The following TRIM66 variants were observed in gnomAD, a reference collection of about 807,000 sequenced individuals.
TRIM66 encodes tripartite motif containing 66.
Under a neutral mutation model 148.2 loss-of-function variants are expected in TRIM66, and 99 were observed. That is an observed-to-expected ratio of 0.67 (90% confidence interval 0.57 to 0.79). The LOEUF (loss-of-function observed/expected upper bound fraction) is 0.79. Among genes scored for constraint, TRIM66 ranks in the 30% least tolerant of loss-of-function variants. The pLI is 0.00. For missense variants in TRIM66, 1,666 were observed against 1,697.9 expected, an observed-to-expected ratio of 0.98 and a Z score of 0.33; for synonymous variants, 616 against 635.9, an observed-to-expected ratio of 0.97 and a Z score of 0.47.
Position 8,614,362 on chromosome 11 carries a change from T to A in TRIM66, c.*3582A>T, listed in dbSNP as rs2033592318. On this transcript the variant is annotated 3_prime_UTR_variant, in exon 25 of 25. Coordinates refer to ENST00000646038, the MANE Select transcript of TRIM66 (RefSeq NM_001388022.1). ...TCTCAAAAAATAAAAAATAAATAAA[T>A]AAATAAATAAATAAAGTTGAAGGGC... The A allele has an allele frequency of 1.3e-5, 2 of 151,650 alleles. No individual in the cohort carries two copies. The highest frequency in any genetic ancestry group is 4.9e-5 in the African/African-American group (2 of 41,222). 9.4% of individuals were successfully genotyped at this position (151,650 alleles called of 1,614,324 possible).
At position 8,612,703 on chromosome 11, in the gene TRIM66, C is replaced by A. The variant is rs556629411; in HGVS notation, c.*5241G>T. 1 of 152,310 alleles carries A rather than the reference C, an allele frequency of 6.6e-6. No homozygotes were observed. The highest frequency in any genetic ancestry group is 6.5e-5 in the Admixed American group (1 of 15,284). 9.4% of individuals were successfully genotyped at this position (152,310 alleles called of 1,614,324 possible). The stretch of plus-strand genomic sequence containing the variant: ...CTCCAGCTGAGCCCCAGCAAGGGAG[C>A]AGCCACCGCGCTCCCTAGTCTCCCT... On this transcript the variant is annotated 3_prime_UTR_variant, in exon 25 of 25. Coordinates refer to ENST00000646038, the MANE Select transcript of TRIM66 (RefSeq NM_001388022.1).
upstream of TRIM66, chr11:8,682,851 C>G (rs189117738): frequency 4.4e-6 from 7 of 1,604,704 alleles, no homozygotes; most frequent in Non-Finnish European, 1.7e-6. Flanking sequence ...TCTTCCTTGC[C>G]GGCGGAGACC....
Position 8,640,895 on chromosome 11 carries a change from G to C in TRIM66, c.1480C>G (p.Gln494Glu). Reference sequence around the variant, plus strand: ...TGCTGGGGCACCATCTCAGGGGGCTGCCTGAAGCTGTGGGCTGGGTGTATG... The same window carrying C: ...TGCTGGGGCACCATCTCAGGGGGCTCCCTGAAGCTGTGGGCTGGGTGTATG... Reference protein sequence around the residue: ...PSIHPAHSFRQPPEMVPQQLG... With the variant: ...PSIHPAHSFREPPEMVPQQLG... The change falls in exon 14 of 25, where the codon CAG (glutamine) becomes GAG (glutamate). Residue 494 changes from glutamine to glutamate, a missense_variant. Around this residue, in one of 3 missense-constraint regions of TRIM66, gnomAD observed 1,431 missense variants for 1,412.4 expected, o/e 1.01. Transcript: ENST00000646038. 1 of 1,550,598 alleles carries C rather than the reference G, an allele frequency of 6.4e-7. No homozygotes were observed.
At chr11:8,622,116 C>T (rs1487367522) in intron 18 of TRIM66, among the ~76,000 whole-genome samples, 1 of 151,620 alleles carries the variant, frequency 6.6e-6, no homozygotes, top group African/African-American at 2.4e-5. Context: ...CTGGCCTAGC[C>T]TCCTGGCTAT....
intron 6 of TRIM66, among the ~76,000 whole-genome samples, chr11:8,670,749 T>A (rs755902311): frequency 6.6e-6 from 1 of 152,224 alleles, no homozygotes; most frequent in Non-Finnish European, 1.5e-5. Context: ...ACTAAGTTTA[T>A]GTTTAAAAAT....
At chr11:8,663,634 C>T (rs191695676) in intron 6 of TRIM66, among the ~76,000 whole-genome samples, 20 of 152,168 alleles carry the variant, frequency 1.3e-4, no homozygotes, top group Admixed American at 1.0e-3. Context: ...GAGGGGACTA[C>T]TGTATTTCCA....
At position 8,661,286 on chromosome 11, in the gene TRIM66, C is replaced by G. The variant is rs1249528106; in HGVS notation, c.341-9383G>C. On this transcript the variant is annotated intron_variant, in intron 6 of 24. Transcript: ENST00000646038. ...CTGGGGCTGGAGATGGATGCACGAT[C>G]CACAGCCTTCAGAGCCCATGCTCCT... is the stretch of plus-strand genomic sequence containing the variant. Among the ~76,000 whole-genome samples, 3 of 152,182 alleles carry G rather than the reference C, an allele frequency of 2.0e-5. No individual in the cohort carries two copies. The East Asian group carries it at 5.8e-4, about 29-fold the overall frequency.
chr11:8,623,329 G>A (rs932708333), intron 17 of TRIM66, among the ~76,000 whole-genome samples: 4 of 152,346 alleles, frequency 2.6e-5, no homozygotes, highest in Admixed American at 2.0e-4. Context: ...GTTCTCCCCT[G>A]AGTATGCAGT....
At chr11:8,636,203 C>A (rs138327362) in intron 15 of TRIM66, among the ~76,000 whole-genome samples, 3 of 152,024 alleles carry the variant, frequency 2.0e-5, no homozygotes, top group Non-Finnish European at 4.4e-5. Flanking sequence ...ACAGCTTTAA[C>A]GCATGATTTC....
chr11:8,665,395 C>T (rs962856536), intron 6 of TRIM66, among the ~76,000 whole-genome samples: 2 of 152,222 alleles, frequency 1.3e-5, no homozygotes, highest in African/African-American at 2.4e-5. Context: ...ATCTGCCAGT[C>T]CTAGTACGTG....
At chr11:8,646,367 G>T in intron 11 of TRIM66, 80 bp downstream of exon 11, 1 of 1,169,752 alleles carries the variant, frequency 8.5e-7, no homozygotes, top group Non-Finnish European at 1.2e-6. Flanking sequence ...TTACAGCCTA[G>T]GCTTCCCTAG....
intron 15 of TRIM66, among the ~76,000 whole-genome samples, chr11:8,630,993 ATG>A (rs1365938354): frequency 1.3e-5 from 2 of 152,092 alleles, no homozygotes; most frequent in African/African-American, 2.4e-5. Context: ...TACCACCCAG[ATG>A]TGTTTCTAGA....
Position 8,674,225 on chromosome 11 carries a change from A to G in TRIM66, c.-112+581T>C, listed in dbSNP as rs1004531198. ...GTGAACTATTGCTATTTACCACACT[A>G]GAAGTTAAAGCTGAGAAAATCTATT... On this transcript the variant is annotated intron_variant, in intron 4 of 24. Transcript: ENST00000646038. Among the ~76,000 whole-genome samples the G allele has an allele frequency of 3.3e-5, 5 of 152,370 alleles. No individual in the cohort carries two copies. In the East Asian group the frequency reaches 9.6e-4, roughly 29 times the overall value.
chr11:8,641,110 G>C lies in TRIM66; in HGVS notation c.1265C>G (p.Ala422Gly). Residue 422 changes from alanine to glycine, a missense_variant, in exon 14 of 25, where the codon GCT (alanine) becomes GGT (glycine). Ala to Gly is a moderately conservative substitution (Grantham distance 60). Transcript: ENST00000646038. ...TEGGQMSRAD[A>G]PAYGGLQGSS... is the part of the protein sequence containing the mutation. Reference sequence around the variant, plus strand: ...CCCCTGTAAGCCTCCATAAGCAGGAGCATCTGCCCTGGACATTTGTCCACC... The same window carrying C: ...CCCCTGTAAGCCTCCATAAGCAGGACCATCTGCCCTGGACATTTGTCCACC... 1 of 1,551,704 alleles carries C rather than the reference G, an allele frequency of 6.4e-7. No individual in the cohort carries two copies. The highest frequency in any genetic ancestry group is 1.2e-5 in the South Asian group (1 of 84,066).
intron 1 of TRIM66, chr11:8,682,317 G>A (rs1252338123): frequency 1.3e-5 from 2 of 158,350 alleles, no homozygotes; most frequent in African/African-American, 4.8e-5. Context: ...GATTAAAGAG[G>A]GCCTCGCGGT....
At chr11:8,668,897 T>C (rs2038763796) in intron 6 of TRIM66, among the ~76,000 whole-genome samples, 1 of 152,194 alleles carries the variant, frequency 6.6e-6, no homozygotes, top group South Asian at 2.1e-4. Context: ...CAAGATGGCA[T>C]ATTCCAAGCA....
intron 12 of TRIM66, among the ~76,000 whole-genome samples, chr11:8,645,383 T>G (rs1189125506): frequency 6.6e-6 from 1 of 152,190 alleles, no homozygotes; most frequent in Non-Finnish European, 1.5e-5. Flanking sequence ...GACCCCCGTG[T>G]AAACCCCAGT....
At chr11:8,637,322 AT>A (rs2035967594) in intron 15 of TRIM66, among the ~76,000 whole-genome samples, 1 of 266 alleles carries the variant, frequency 3.8e-3, no homozygotes, top group African/African-American at 5.1e-3. Flanking sequence ...CATTTAATGC[AT>A]ATATATATAT....
In TRIM66 at chr11:8,648,462, T is replaced by C; in HGVS notation, c.679A>G (p.Met227Val). 1.9e-6 allele frequency: 3 copies of C among 1,551,776 alleles called. No homozygotes were observed. Among genetic ancestry groups the C allele is most frequent in the Non-Finnish European group, 1.7e-6 (2 of 1,147,010 alleles). Residue 227 changes from methionine (M) to valine (V), a missense_variant, in exon 9 of 25, where the codon ATG becomes GTG. By Grantham distance (21) the Met-to-Val change is conservative. This residue lies in a region of TRIM66 where 1,431 missense variants were observed against 1,412.4 expected (regional missense o/e 1.01). Coordinates refer to ENST00000646038, the MANE Select transcript of TRIM66 (RefSeq NM_001388022.1). ...VLKLFCETCD[M>V]LTCHSCLVVE... ...ACTAGGCAGCTATGGCAAGTGAGCA[T>C]ATCACATGTCTCACAGAATAGCTTG...
Sources: gnomAD v4.1 joint callset for allele counts (sites outside exome capture counted in the v4.1 genomes callset) on GRCh38, gnomAD v4.1.1 for gene constraint, gnomAD v4.1.1 regional missense constraint, MANE v1.5 for transcripts, NCBI Gene and HGNC (gene_info 2026-07-23, HGNC 2026-07-21) for gene names.